SETD4: variants seen among roughly 807,000 people sequenced by gnomAD.
The protein encoded by SETD4 is SET domain-containing protein 4.
Under a neutral mutation model 58.3 loss-of-function variants are expected in SETD4, and 46 were observed. The ratio of observed to expected loss-of-function variants is 0.79; its 90% CI spans 0.62 to 1.01. The LOEUF (loss-of-function observed/expected upper bound fraction) is 1.01. SETD4 is among the 50% of genes least tolerant of loss of function. The pLI is 0.00. For missense variants in SETD4, 490 were observed against 523.3 expected (o/e 0.94, Z 0.62); for synonymous variants, 190 against 202.6 (o/e 0.94, Z 0.53).
chr21:36,058,632 C>T (rs1462285782), intron 2 of SETD4, among the ~76,000 whole-genome samples, 184 bp downstream of exon 2: 6 of 152,104 alleles, frequency 3.9e-5, no homozygotes, highest in South Asian at 2.1e-4. Context: ...GCAGGAGAAT[C>T]GCTTGAACCG....
Position 36,038,184 on chromosome 21 carries a change from T to G in SETD4, c.1154A>C (p.Tyr385Ser). The change falls in exon 10 of 12, where the codon TAT becomes TCT. Residue 385 changes from tyrosine to serine, a missense_variant. Tyr to Ser is a moderately radical substitution (Grantham distance 144). Transcript: ENST00000332131. ...CACAGCATTAGTCTCTTCTATGAAA[T>G]AATAGCATATTTTCTGGGCTATGTC... ...SLDIAQKICYYFIEETNAVLQ... is the reference protein window; with the variant it reads ...SLDIAQKICYSFIEETNAVLQ... 1 of 1,614,046 alleles carries G rather than the reference T, an allele frequency of 6.2e-7. No homozygotes were observed. The highest frequency in any genetic ancestry group is 8.5e-7 in the Non-Finnish European group (1 of 1,179,982).
At chr21:36,038,460 G>A (rs752183308) in intron 9 of SETD4, among the ~76,000 whole-genome samples, 187 bp from the exon 10 acceptor site, 1 of 152,188 alleles carries the variant, frequency 6.6e-6, no homozygotes, top group Non-Finnish European at 1.5e-5. Flanking sequence ...CAGGTAATGA[G>A]AGAGGAGGAG....
rs2063733527 is a variant in SETD4, at chr21:36,034,968, T to C, written c.*1025A>G. 6.6e-6 allele frequency: 1 copy of C among 152,222 alleles called. No homozygotes were observed. Among genetic ancestry groups the C allele is most frequent in the South Asian group, 2.1e-4 (1 of 4,836 alleles). 9.4% of individuals were successfully genotyped at this position (152,222 alleles called of 1,614,324 possible). A position where few individuals can be genotyped will look rare whatever the true frequency, so the allele number is the denominator to read the frequency against. ...TTCAAGAAATCATGAGAAAGTTTTA[T>C]TTTAAACTCTGCCTGCCTCCTGAGG... On this transcript the variant is annotated 3_prime_UTR_variant, in exon 12 of 12. Transcript: ENST00000332131.
intron 4 of SETD4, among the ~76,000 whole-genome samples, chr21:36,051,929 G>GT (rs1005336684): frequency 2.0e-5 from 3 of 151,006 alleles, no homozygotes; most frequent in Admixed American, 6.6e-5. Context: ...TTTGTTTTTC[G>GT]TTTTTTCCCT....
Position 36,045,475 on chromosome 21 carries a change from C to T in SETD4, c.726+107G>A, listed in dbSNP as rs559616995. 8 of 1,410,610 alleles carry T rather than the reference C, an allele frequency of 5.7e-6. No homozygotes were observed. In the Admixed American group the frequency reaches 6.4e-5, roughly 11 times the overall value. The allele number at this position is 1,410,610 out of a possible 1,614,324, so 87.4% of individuals were successfully genotyped here. ...CCAACCTGACAGGGTCACCTGAAGC[C>T]GCCGACACCTCTCCCTGTGGTGCCA... On this transcript the variant is annotated intron_variant, in intron 6 of 11. Coordinates refer to ENST00000332131, the MANE Select transcript of SETD4 (RefSeq NM_017438.5).
At chr21:36,036,318 TAC>T in intron 10 of SETD4, 67 bp from the exon 11 acceptor site, 1 of 1,387,474 alleles carries the variant, frequency 7.2e-7, no homozygotes, top group Non-Finnish European at 9.7e-7. Context: ...AGAACGTACG[TAC>T]CTTTTTAACC....
At chr21:36,051,080 T>G (rs2064656841) in intron 4 of SETD4, 10 of 1,427,478 alleles carry the variant, frequency 7.0e-6, no homozygotes, top group African/African-American at 1.4e-5. Context: ...TCGTCTTTCA[T>G]AAGGCTTGTA....
At position 36,046,028 on chromosome 21, in the gene SETD4, C is replaced by G. The variant is rs1369683315; in HGVS notation, c.297-17G>C. On this transcript the variant is annotated splice_polypyrimidine_tract_variant and intron_variant, in intron 5 of 11. Coordinates refer to ENST00000332131, the MANE Select transcript of SETD4 (RefSeq NM_017438.5). ...GGCTTCCACCTTTGAAAATTAAAAG[C>G]CAGTTTAAAGGAATTACTTTGATTC... The G allele has an allele frequency of 6.2e-7, 1 of 1,602,190 alleles. No individual in the cohort carries two copies.
chr21:36,056,708 C>T (rs2065003205), intron 3 of SETD4, among the ~76,000 whole-genome samples: 2 of 152,106 alleles, frequency 1.3e-5, no homozygotes, highest in Non-Finnish European at 2.9e-5. Context: ...ACAGGGCACA[C>T]CACCGCGCCT....
chr21:36,039,895 C>G (rs992882948), intron 9 of SETD4, among the ~76,000 whole-genome samples: 3 of 152,254 alleles, frequency 2.0e-5, no homozygotes, highest in Admixed American at 2.0e-4. Flanking sequence ...TGCCTCATCT[C>G]AGTCAGTCCT....
intron 10 of SETD4, chr21:36,036,480 C>T (rs2063787292): frequency 2.2e-5 from 7 of 322,606 alleles, no homozygotes; most frequent in South Asian, 1.2e-4. Flanking sequence ...CCAAACCCCC[C>T]GTCACCTCTA....
intron 4 of SETD4, chr21:36,050,569 C>T (rs1249654171): frequency 6.2e-7 from 1 of 1,613,814 alleles, no homozygotes; most frequent in Middle Eastern, 1.6e-4. Flanking sequence ...AAGTTCTGGA[C>T]ATTTCAAGAG....
chr21:36,036,290 CAT>C (rs759672100), intron 10 of SETD4, 39 bp from the exon 11 acceptor site: 121 of 1,453,484 alleles, frequency 8.3e-5, no homozygotes, highest in African/African-American at 1.7e-4. Context: ...TGTAGTAAAA[CAT>C]ATATATATAT....
intron 3 of SETD4, 24 bp from the exon 4 acceptor site, chr21:36,053,644 G>A: frequency 1.9e-6 from 3 of 1,612,652 alleles, no homozygotes; most frequent in Non-Finnish European, 2.5e-6. Context: ...GACAGAAAGA[G>A]AGTAAATCCT....
intron 3 of SETD4, among the ~76,000 whole-genome samples, chr21:36,055,384 C>T (rs763371469): frequency 2.0e-5 from 3 of 152,170 alleles, no homozygotes; most frequent in Non-Finnish European, 2.9e-5. Flanking sequence ...GAGAGTAAAG[C>T]TTATCACAAA....
intron 7 of SETD4, chr21:36,042,701 TG>T (rs1446648568): frequency 1.3e-5 from 2 of 152,230 alleles, no homozygotes; most frequent in Non-Finnish European, 1.5e-5. Flanking sequence ...CCTAGAAAAC[TG>T]CTTCTCTACA....
At chr21:36,057,313 T>C in intron 2 of SETD4, 109 bp from the exon 3 acceptor site, 1 of 842,736 alleles carries the variant, frequency 1.2e-6, no homozygotes, top group South Asian at 1.4e-5. Context: ...TACACAATAG[T>C]AAGAATTGGT....
At chr21:36,058,355 G>C (rs2065091335) in intron 2 of SETD4, among the ~76,000 whole-genome samples, 1 of 151,998 alleles carries the variant, frequency 6.6e-6, no homozygotes, top group Non-Finnish European at 1.5e-5. Context: ...AAAAACATTA[G>C]CCGGGTGCAG....
At chr21:36,050,194 C>A (rs2064579912) in intron 4 of SETD4, 3 of 1,138,742 alleles carry the variant, frequency 2.6e-6, no homozygotes, top group Non-Finnish European at 4.0e-6. Flanking sequence ...ACAATCCAGG[C>A]AAGGAAGCAC....
Sources: gnomAD v4.1 joint callset for allele counts (sites outside exome capture counted in the v4.1 genomes callset) on GRCh38, gnomAD v4.1.1 for gene constraint, MANE v1.5 for transcripts, NCBI Gene and HGNC (gene_info 2026-07-23, HGNC 2026-07-21) for gene names.